Variants in GREB1L observed in about 807,000 individuals in gnomAD.
The protein encoded by GREB1L is GREB1-like protein.
A neutral mutation model predicts 200.8 loss-of-function variants in GREB1L; 17 were observed. The observed-to-expected ratio is 0.08, with a 90% CI of 0.06 to 0.13. GREB1L has a LOEUF of 0.13. GREB1L is among the 10% of genes least tolerant of loss of function. The pLI, the probability that GREB1L is intolerant of heterozygous loss-of-function variation, is 1.00. For synonymous variants in GREB1L, 789 were observed against 893.0 expected, an observed-to-expected ratio of 0.88 and a Z score of 2.08; for missense variants, 1,657 against 2,367.7, an observed-to-expected ratio of 0.70 and a Z score of 6.23.
Position 21,256,646 on chromosome 18 carries a change from G to A in GREB1L, c.-120+14253G>A, listed in dbSNP as rs7228652. On this transcript the variant is annotated intron_variant, in intron 1 of 32. Coordinates refer to ENST00000424526, the MANE Select transcript of GREB1L (RefSeq NM_001142966.3). ...TCTTGATATTTTTTACTCTGAGACA[G>A]TTGCCACATAATTTGATTCCAAAAC... Among the ~76,000 whole-genome samples the A allele has an allele frequency of 2.0e-3, 300 of 152,194 alleles. 1 individual carries two copies. Among genetic ancestry groups the A allele is most frequent in the African/African-American group, 6.8e-3 (284 of 41,544 alleles).
chr18:21,504,489 T>C (rs567231353), intron 23 of GREB1L, among the ~76,000 whole-genome samples: 2 of 152,292 alleles, frequency 1.3e-5, no homozygotes, highest in East Asian at 1.9e-4. Flanking sequence ...TGAGCTTACA[T>C]TGCATCACTG....
intron 17 of GREB1L, among the ~76,000 whole-genome samples, chr18:21,483,523 G>T (rs1484974819): frequency 6.6e-6 from 1 of 152,114 alleles, no homozygotes; most frequent in East Asian, 1.9e-4. Flanking sequence ...AACATATTCC[G>T]GTGCTCTCAT....
intron 18 of GREB1L, among the ~76,000 whole-genome samples, chr18:21,489,340 C>T (rs2036243317): frequency 6.6e-6 from 1 of 152,114 alleles, no homozygotes; most frequent in African/African-American, 2.4e-5. Flanking sequence ...CTCCAGTCAG[C>T]TCCAAGTTTC....
intron 6 of GREB1L, among the ~76,000 whole-genome samples, chr18:21,403,488 C>T (rs1379936704): frequency 6.6e-6 from 1 of 152,172 alleles, no homozygotes; most frequent in African/African-American, 2.4e-5. Context: ...TACTGTTCTA[C>T]ATTTAAACCA....
chr18:21,407,330 G>A (rs1304660698), intron 7 of GREB1L, among the ~76,000 whole-genome samples: 1 of 152,106 alleles, frequency 6.6e-6, no homozygotes, highest in African/African-American at 2.4e-5. Flanking sequence ...CGAGAATTCA[G>A]GAATAGATGA....
intron 1 of GREB1L, among the ~76,000 whole-genome samples, chr18:21,320,899 TC>T (rs2038941503): frequency 6.6e-6 from 1 of 152,174 alleles, no homozygotes; most frequent in African/African-American, 2.4e-5. Flanking sequence ...AATGAAGAGT[TC>T]TTAAAAATTA....
At chr18:21,246,912 A>G (rs1362938312) in intron 1 of GREB1L, among the ~76,000 whole-genome samples, 1 of 152,210 alleles carries the variant, frequency 6.6e-6, no homozygotes, top group Non-Finnish European at 1.5e-5. Context: ...ATCTCCAATC[A>G]TGTTATCTTT....
chr18:21,501,543 T>C (rs1366415490), intron 23 of GREB1L, among the ~76,000 whole-genome samples: 6 of 152,224 alleles, frequency 3.9e-5, no homozygotes, highest in Non-Finnish European at 1.5e-5. Flanking sequence ...TTCATCCATG[T>C]GCCTGCAAAG....
chr18:21,278,328 C>T (rs540838515), intron 1 of GREB1L, among the ~76,000 whole-genome samples: 4 of 146,586 alleles, frequency 2.7e-5, no homozygotes, highest in East Asian at 2.0e-4. Context: ...TTCAGTGAGC[C>T]GAGATCGTGC....
intron 19 of GREB1L, 38 bp from the exon 20 acceptor site, chr18:21,495,627 TAAATG>T: frequency 2.7e-6 from 3 of 1,096,436 alleles, no homozygotes; most frequent in Non-Finnish European, 4.0e-6. Flanking sequence ...GGTGGAAACT[TAAATG>T]AGAGTTTTAA....
intron 1 of GREB1L, among the ~76,000 whole-genome samples, chr18:21,352,882 T>C (rs978967663): frequency 2.6e-5 from 4 of 152,120 alleles, no homozygotes; most frequent in Non-Finnish European, 5.9e-5. Flanking sequence ...TTTTTCCTTA[T>C]AGAAATGGGA....
intron 16 of GREB1L, among the ~76,000 whole-genome samples, chr18:21,475,601 C>T (rs1469914912): frequency 6.6e-6 from 1 of 151,982 alleles, no homozygotes; most frequent in African/African-American, 2.4e-5. Context: ...CGTGATCCAC[C>T]CACCTTGGAC....
intron 1 of GREB1L, among the ~76,000 whole-genome samples, chr18:21,347,301 CAAAA>C (rs925068661): frequency 6.6e-6 from 1 of 150,798 alleles, no homozygotes. Context: ...CAAACAAAAA[CAAAA>C]AAACCAACAA....
intron 6 of GREB1L, among the ~76,000 whole-genome samples, chr18:21,401,582 A>C (rs2041318652): frequency 6.6e-6 from 1 of 152,162 alleles, no homozygotes; most frequent in Non-Finnish European, 1.5e-5. Flanking sequence ...AAGGGGAAAA[A>C]TGGACTCTTT....
chr18:21,508,716 A>T, intron 27 of GREB1L, 125 bp downstream of exon 27: 69 of 247,236 alleles, frequency 2.8e-4, no homozygotes, highest in East Asian at 8.1e-4. Flanking sequence ...CACTCTTCGG[A>T]AAAAAAAAAA....
intron 1 of GREB1L, among the ~76,000 whole-genome samples, chr18:21,256,579 A>G (rs1746660767): frequency 1.3e-5 from 2 of 152,210 alleles, no homozygotes; most frequent in South Asian, 4.1e-4. Flanking sequence ...TAATCTATTA[A>G]GAATAAAATC....
At chr18:21,303,799 G>T (rs555987528) in intron 1 of GREB1L, among the ~76,000 whole-genome samples, 1 of 152,228 alleles carries the variant, frequency 6.6e-6, no homozygotes, top group East Asian at 1.9e-4. Flanking sequence ...ATTTTTAATT[G>T]TATAATATAA....
At chr18:21,451,298 C>A in intron 13 of GREB1L, 147 bp downstream of exon 13, 1 of 849,790 alleles carries the variant, frequency 1.2e-6, no homozygotes, top group Non-Finnish European at 1.8e-6. Flanking sequence ...TATTTTGTCA[C>A]TAACACCACA....
At chr18:21,335,686 C>CA (rs1446793197) in intron 1 of GREB1L, among the ~76,000 whole-genome samples, 31 of 146,852 alleles carry the variant, frequency 2.1e-4, no homozygotes, top group African/African-American at 7.6e-4. Context: ...TTTTTCGAGA[C>CA]AGAGTCTTGC....
Sources: allele counts gnomAD v4.1 joint callset (sites outside exome capture counted in the v4.1 genomes callset), GRCh38; gene constraint gnomAD v4.1.1; transcripts MANE v1.5; gene names NCBI Gene and HGNC (gene_info 2026-07-23, HGNC 2026-07-21).